Variants in COA1 observed in about 807,000 individuals in gnomAD.
COA1 encodes the protein cytochrome c oxidase assembly factor 1 homolog.
Under a neutral mutation model 16.0 loss-of-function variants are expected in COA1, and 13 were observed. That is an observed-to-expected ratio of 0.81 (90% CI 0.53 to 1.29). The LOEUF is 1.29. COA1 is among the 50% of genes most tolerant of loss of function. COA1 has a pLI of 0.00. For synonymous variants in COA1, 65 were observed against 65.7 expected (o/e 0.99, Z 0.05); for missense variants, 179 against 177.0 (o/e 1.01, Z -0.06).
intron 1 of COA1, among the ~76,000 whole-genome samples, chr7:43,680,372 T>A (rs2093713003): frequency 6.6e-6 from 1 of 151,442 alleles, no homozygotes; most frequent in Non-Finnish European, 1.5e-5. Flanking sequence ...TTAATTAAAG[T>A]TTCAAAAACT....
chr7:43,626,669 A>G (rs1416713384), intron 6 of COA1: 1 of 152,226 alleles, frequency 6.6e-6, no homozygotes, highest in Non-Finnish European at 1.5e-5. Flanking sequence ...CCAGGAAAAA[A>G]TAACCACTAT....
At chr7:43,669,124 C>T (rs1395126676) in intron 1 of COA1, among the ~76,000 whole-genome samples, 1 of 152,132 alleles carries the variant, frequency 6.6e-6, no homozygotes, top group Non-Finnish European at 1.5e-5. Context: ...GTTCCCCATT[C>T]GATGCCCCTT....
intron 1 of COA1, chr7:43,711,451 T>C (rs1480245253): frequency 6.6e-6 from 1 of 152,010 alleles, no homozygotes; most frequent in Non-Finnish European, 1.5e-5. Context: ...AGCGAGACTC[T>C]GTCAAAAGAA....
intron 1 of COA1, among the ~76,000 whole-genome samples, chr7:43,708,518 A>C (rs1282680424): frequency 2.0e-5 from 3 of 151,636 alleles, no homozygotes; most frequent in African/African-American, 7.3e-5. Context: ...CCTCTGCATT[A>C]TTAATCCTTC....
At chr7:43,620,455 A>T (rs1013531665) in intron 6 of COA1, among the ~76,000 whole-genome samples, 1 of 152,178 alleles carries the variant, frequency 6.6e-6, no homozygotes, top group African/African-American at 2.4e-5. Context: ...TGGGCAGATC[A>T]CTTGAGGCCA....
chr7:43,683,433 C>A (rs1170201439), intron 1 of COA1, among the ~76,000 whole-genome samples: 1 of 151,994 alleles, frequency 6.6e-6, no homozygotes, highest in Non-Finnish European at 1.5e-5. Flanking sequence ...GAGATCAAGA[C>A]CATCCTGGCT....
chr7:43,719,715 CT>C (rs1158191411), intron 1 of COA1, among the ~76,000 whole-genome samples: 3 of 152,122 alleles, frequency 2.0e-5, no homozygotes, highest in Non-Finnish European at 4.4e-5. Flanking sequence ...AAAATGTCCC[CT>C]GACCCACATA....
At chr7:43,685,891 A>G (rs1386448589) in intron 1 of COA1, among the ~76,000 whole-genome samples, 1 of 152,232 alleles carries the variant, frequency 6.6e-6, no homozygotes, top group South Asian at 2.1e-4. Context: ...AAATTTCTAT[A>G]AAATCTGATT....
intron 1 of COA1, among the ~76,000 whole-genome samples, chr7:43,704,034 T>C (rs2094868454): frequency 1.3e-5 from 2 of 152,188 alleles, no homozygotes; most frequent in African/African-American, 4.8e-5. Flanking sequence ...TCTCTTAGCA[T>C]TTGCTTGCCT....
chr7:43,724,426 C>T (rs908497329), intron 1 of COA1, among the ~76,000 whole-genome samples: 2 of 152,084 alleles, frequency 1.3e-5, no homozygotes, highest in African/African-American at 4.8e-5. Context: ...GTGGTGCACG[C>T]CTGTAGTCCC....
chr7:43,639,526 A>G lies in COA1; in HGVS notation c.*56T>C. 1 of 1,422,712 alleles carries G rather than the reference A, an allele frequency of 7.0e-7. No individual in the cohort carries two copies. The highest frequency in any genetic ancestry group is 9.9e-7 in the Non-Finnish European group (1 of 1,007,520). The allele number at this position is 1,422,712 out of a possible 1,614,324, so 88.1% of individuals were successfully genotyped here. On this transcript the variant is annotated 3_prime_UTR_variant, in exon 6 of 6. Coordinates refer to ENST00000223336, the MANE Select transcript of COA1 (RefSeq NM_018224.4). Reference sequence around the variant, plus strand: ...GATGGGCCACCACCCCAGTGGCCATATGGTAGAGATGAGGGAAGGATGGAC... The same window carrying G: ...GATGGGCCACCACCCCAGTGGCCATGTGGTAGAGATGAGGGAAGGATGGAC...
chr7:43,668,573 T>C (rs977259141), intron 1 of COA1, among the ~76,000 whole-genome samples: 1 of 152,232 alleles, frequency 6.6e-6, no homozygotes, highest in African/African-American at 2.4e-5. Context: ...TCTAATTGTT[T>C]TTAAGCTTTT....
At chr7:43,725,195 G>A (rs565899891) in intron 1 of COA1, among the ~76,000 whole-genome samples, 29 of 150,604 alleles carry the variant, frequency 1.9e-4, no homozygotes, top group Non-Finnish European at 3.2e-4. Context: ...CTGAGAACAC[G>A]CCACTGCACT....
At chr7:43,665,841 C>G (rs1400016410) in intron 1 of COA1, 1 of 152,270 alleles carries the variant, frequency 6.6e-6, no homozygotes, top group East Asian at 1.9e-4. Context: ...AAACTGCCAC[C>G]ATGATCCAAT....
At chr7:43,657,905 TG>T (rs962480337) in intron 1 of COA1, among the ~76,000 whole-genome samples, 225 of 152,132 alleles carry the variant, frequency 1.5e-3, no homozygotes, top group African/African-American at 5.0e-3. Flanking sequence ...ATATGAAAGG[TG>T]CTCAACATTA....
chr7:43,723,895 C>A (rs765489954), intron 1 of COA1, among the ~76,000 whole-genome samples: 1 of 152,188 alleles, frequency 6.6e-6, no homozygotes, highest in Non-Finnish European at 1.5e-5. Context: ...GCACTGCACT[C>A]CAGCCTGGGT....
downstream of COA1, among the ~76,000 whole-genome samples, chr7:43,634,682 T>C (rs577824102): frequency 3.9e-5 from 6 of 152,340 alleles, no homozygotes; most frequent in Non-Finnish European, 8.8e-5. Flanking sequence ...ACTTGGCTTT[T>C]GCTGATGAGG....
chr7:43,640,665 G>A lies in COA1; in HGVS notation c.265-16C>T. On this transcript the variant is annotated splice_polypyrimidine_tract_variant and intron_variant, in intron 4 of 5. Coordinates refer to ENST00000223336, the MANE Select transcript of COA1 (RefSeq NM_018224.4). ...GAATCTTCAACTGTGGGTGTAAAAT[G>A]ACAGAAAGGAGAGATGTAATTGGAT... The A allele has an allele frequency of 6.5e-7, 1 of 1,548,862 alleles. No individual in the cohort carries two copies. The highest frequency in any genetic ancestry group is 8.8e-7 in the Non-Finnish European group (1 of 1,133,472).
chr7:43,686,062 CTAAA>C (rs369357136), intron 1 of COA1, among the ~76,000 whole-genome samples: 8 of 152,122 alleles, frequency 5.3e-5, no homozygotes, highest in African/African-American at 1.9e-4. Flanking sequence ...ACACAACTGG[CTAAA>C]TATTACTTAT....
Sources: gnomAD v4.1 joint callset for allele counts (sites outside exome capture counted in the v4.1 genomes callset) on GRCh38, gnomAD v4.1.1 for gene constraint, MANE v1.5 for transcripts, NCBI Gene and HGNC (gene_info 2026-07-23, HGNC 2026-07-21) for gene names.